Variants in PCDH11X observed in about 807,000 individuals in gnomAD.
PCDH11X encodes the protein protocadherin 11 X-linked.
PCDH11X carries 18 observed loss-of-function variants against 53.3 expected under a neutral mutation model. The ratio of observed to expected loss-of-function variants is 0.34; its 90% confidence interval spans 0.23 to 0.50. The LOEUF is 0.50. Among genes scored for constraint, PCDH11X ranks in the 20% least tolerant of loss-of-function variants. The pLI, the probability that PCDH11X is intolerant of heterozygous loss-of-function variation, is 0.98. For missense variants in PCDH11X, 570 were observed against 1,032.4 expected, an observed-to-expected ratio of 0.55 and a Z score of 6.14; for synonymous variants, 279 against 393.3, an observed-to-expected ratio of 0.71 and a Z score of 3.44.
intron 6 of PCDH11X, among the ~76,000 whole-genome samples, chrX:92,188,654 G>A (rs778584325): frequency 1.8e-4 from 20 of 111,559 alleles, no homozygotes; most frequent in African/African-American, 3.9e-4. Context: ...GCCATGAGAC[G>A]GGGTAGATGA....
At chrX:92,275,467 C>T (rs931312156) in intron 8 of PCDH11X, among the ~76,000 whole-genome samples, 1 of 111,191 alleles carries the variant, frequency 9.0e-6, no homozygotes, top group Non-Finnish European at 1.9e-5. Context: ...TTTGCTGAGC[C>T]TAATGGGTGT....
rs1244996178 is a variant in PCDH11X, at chrX:91,899,660, C to T, written c.3033+20387C>T. Among the ~76,000 whole-genome samples the T allele has an allele frequency of 3.6e-5, 4 of 110,539 alleles. No individual in the cohort carries two copies. In the Admixed American group the frequency reaches 3.9e-4, roughly 11 times the overall value. ...ATCCTTTGTATAACTGGAAACACACCAATCCCCAACCTAAATGTTATTACA... is the reference window on the plus strand; with the variant it reads ...ATCCTTTGTATAACTGGAAACACACTAATCCCCAACCTAAATGTTATTACA... On this transcript the variant is annotated intron_variant, in intron 6 of 10. Transcript: ENST00000682573.
At chrX:91,791,264 T>G (rs913359968) in intron 1 of PCDH11X, among the ~76,000 whole-genome samples, 58 of 110,153 alleles carry the variant, frequency 5.3e-4, no homozygotes, top group Admixed American at 1.5e-3. Context: ...AAGAACTACC[T>G]GAGACTGGGT....
At chrX:92,177,283 GTAGT>G (rs1427364206) in intron 6 of PCDH11X, among the ~76,000 whole-genome samples, 17 of 111,272 alleles carry the variant, frequency 1.5e-4, no homozygotes, top group Admixed American at 7.7e-4. Flanking sequence ...CGGCCACAAG[GTAGT>G]TATTCTTATT....
intron 6 of PCDH11X, among the ~76,000 whole-genome samples, chrX:91,978,010 C>T (rs757375185): frequency 1.0e-3 from 117 of 111,899 alleles, no homozygotes; most frequent in South Asian, 8.3e-3. Flanking sequence ...GAAAACAGTT[C>T]TGATCGTATA....
chrX:92,299,527 T>A (rs113670349), intron 8 of PCDH11X, among the ~76,000 whole-genome samples: 6,024 of 111,152 alleles, frequency 0.054, 302 homozygotes, highest in African/African-American at 0.16. Flanking sequence ...TTCTTCCTGG[T>A]TTAGTCTTGA....
At chrX:91,882,860 G>T in intron 6 of PCDH11X, 2 of 1,178,896 alleles carry the variant, frequency 1.7e-6, no homozygotes, top group South Asian at 3.6e-5. Flanking sequence ...GAAACTCCTA[G>T]AACACAACCA....
At chrX:91,994,270 A>C (rs2062373823) in intron 6 of PCDH11X, among the ~76,000 whole-genome samples, 1 of 106,668 alleles carries the variant, frequency 9.4e-6, no homozygotes, top group Admixed American at 1.0e-4. Context: ...TTCCTCTTCT[A>C]ACTGAAAGTT....
rs763211426 is a variant in PCDH11X at position 91,885,547 on chromosome X, G to T, written c.3033+6274G>T. On this transcript the variant is annotated intron_variant, in intron 6 of 10. Transcript: ENST00000682573. ...TTGTGTATGTAATTATTATAAAAAT[G>T]CATTTGCATTTTTATTGCTTGTGTC... Among the ~76,000 whole-genome samples the T allele has an allele frequency of 1.7e-4, 18 of 108,969 alleles. 1 individual carries two copies. The East Asian group carries it at 2.3e-3, about 14-fold the overall frequency. The allele number at this position is 108,969 out of a possible 115,157, so 94.6% of individuals were successfully genotyped here.
intron 8 of PCDH11X, among the ~76,000 whole-genome samples, chrX:92,375,713 C>T (rs1449835094): frequency 9.2e-6 from 1 of 109,064 alleles, no homozygotes; most frequent in East Asian, 2.9e-4. Flanking sequence ...CAATCTCCGC[C>T]TCCTGGGTTC....
chrX:91,926,675 G>A lies in PCDH11X; in HGVS notation c.3033+47402G>A, dbSNP rs1197900977. 3.6e-5 allele frequency among the ~76,000 whole-genome samples: 4 copies of A among 109,855 alleles called. No homozygotes were observed. In the East Asian group the frequency reaches 8.6e-4, roughly 24 times the overall value. On this transcript the variant is annotated intron_variant, in intron 6 of 10. Coordinates refer to ENST00000682573, the MANE Select transcript of PCDH11X (RefSeq NM_032968.5). ...TTGCAAATATTATATTTTTTGATTT[G>A]TATTTTTTAAAAATTTTTAGTTCAC...
At chrX:92,102,994 G>T (rs936313586) in intron 6 of PCDH11X, among the ~76,000 whole-genome samples, 2 of 111,063 alleles carry the variant, frequency 1.8e-5, no homozygotes, top group Admixed American at 9.6e-5. Flanking sequence ...GGATATTGCC[G>T]TTGAGCGGGG....
intron 6 of PCDH11X, among the ~76,000 whole-genome samples, chrX:91,892,971 C>T (rs1300380113): frequency 9.1e-6 from 1 of 109,862 alleles, no homozygotes; most frequent in African/African-American, 3.3e-5. Flanking sequence ...ATTTTAATAC[C>T]AGAGAGTATA....
intron 8 of PCDH11X, among the ~76,000 whole-genome samples, chrX:92,369,207 G>A (rs2070552010): frequency 9.2e-6 from 1 of 108,466 alleles, no homozygotes; most frequent in Non-Finnish European, 1.9e-5. Flanking sequence ...CTTCAGAGAT[G>A]CCCTGCCCAG....
intron 10 of PCDH11X, among the ~76,000 whole-genome samples, chrX:92,489,895 AT>A (rs1002324720): frequency 3.0e-5 from 3 of 101,349 alleles, no homozygotes; most frequent in African/African-American, 1.1e-4. Context: ...CCAACAAATA[AT>A]TAATTCTGGT....
intron 7 of PCDH11X, among the ~76,000 whole-genome samples, chrX:92,208,353 A>G (rs1323372972): frequency 9.8e-6 from 1 of 102,052 alleles, no homozygotes; most frequent in East Asian, 3.0e-4. Flanking sequence ...TCTGTATTTT[A>G]TAGATGAGGA....
At chrX:91,852,607 T>C (rs759091246) in intron 5 of PCDH11X, among the ~76,000 whole-genome samples, 56 of 111,649 alleles carry the variant, frequency 5.0e-4, no homozygotes, top group African/African-American at 1.7e-3. Flanking sequence ...GCAATTTTCA[T>C]TGTGTTGGCC....
chrX:92,050,717 G>A (rs1254532990), intron 6 of PCDH11X, among the ~76,000 whole-genome samples: 1 of 110,111 alleles, frequency 9.1e-6, no homozygotes, highest in African/African-American at 3.3e-5. Flanking sequence ...TTTATATTCC[G>A]AGTACCTAGG....
chrX:91,892,565 G>A (rs1374406529), intron 6 of PCDH11X, among the ~76,000 whole-genome samples: 1 of 110,377 alleles, frequency 9.1e-6, no homozygotes, highest in Non-Finnish European at 1.9e-5. Flanking sequence ...GCACTTTGAT[G>A]CCTCCATAAA....
Sources: gnomAD v4.1 joint callset for allele counts (sites outside exome capture counted in the v4.1 genomes callset) on GRCh38, gnomAD v4.1.1 for gene constraint, MANE v1.5 for transcripts, NCBI Gene and HGNC (gene_info 2026-07-23, HGNC 2026-07-21) for gene names.